Variants in MLXIP observed in about 807,000 individuals in gnomAD.
MLXIP encodes the protein MLX interacting protein.
A neutral mutation model predicts 87.2 loss-of-function variants in MLXIP; 30 were observed. The observed-to-expected ratio is 0.34, with a 90% CI of 0.26 to 0.47. The LOEUF (loss-of-function observed/expected upper bound fraction) is 0.47. Among genes scored for constraint, MLXIP ranks in the 20% least tolerant of loss-of-function variants. The pLI is 1.00. For missense variants in MLXIP, 1,002 were observed against 1,240.1 expected, an observed-to-expected ratio of 0.81 and a Z score of 2.88; for synonymous variants, 530 against 514.0, an observed-to-expected ratio of 1.03 and a Z score of -0.42.
chr12:122,086,999 A>C (rs1952177716), intron 1 of MLXIP, among the ~76,000 whole-genome samples: 1 of 152,132 alleles, frequency 6.6e-6, no homozygotes, highest in African/African-American at 2.4e-5. Context: ...GGATCCGCCC[A>C]GCTTGAGCCT....
At chr12:122,114,369 A>T (rs983831451) in intron 1 of MLXIP, among the ~76,000 whole-genome samples, 1 of 152,200 alleles carries the variant, frequency 6.6e-6, no homozygotes, top group African/African-American at 2.4e-5. Flanking sequence ...AGAAAAACAG[A>T]ACGCACTGAA....
chr12:122,123,353 G>A lies in MLXIP; in HGVS notation c.414-3903G>A, dbSNP rs532423791. 3.9e-5 allele frequency among the ~76,000 whole-genome samples: 6 copies of A among 152,264 alleles called. No individual in the cohort carries two copies. In the South Asian group the frequency reaches 1.2e-3, roughly 32 times the overall value. ...GGTTTGTTTGGATTTTGAGTTGGAC[G>A]CCCTTCTTTGTGTTTCTTGAGCGCC... On this transcript the variant is annotated intron_variant, in intron 1 of 16. Transcript: ENST00000319080.
chr12:122,113,868 G>A (rs1450094812), intron 1 of MLXIP, among the ~76,000 whole-genome samples: 1 of 151,040 alleles, frequency 6.6e-6, no homozygotes, highest in African/African-American at 2.4e-5. Flanking sequence ...TGTATTTTTA[G>A]TAGAGACGGA....
intron 1 of MLXIP, among the ~76,000 whole-genome samples, chr12:122,105,316 A>G (rs1222198507): frequency 6.6e-6 from 1 of 150,758 alleles, no homozygotes; most frequent in East Asian, 1.9e-4. Flanking sequence ...AACTTTGCTT[A>G]TTGATTTTTT....
chr12:122,138,923 T>G lies in MLXIP; in HGVS notation c.2493T>G (p.Asn831Lys). The G allele has an allele frequency of 6.2e-7, 1 of 1,614,096 alleles. No individual in the cohort carries two copies. The highest frequency in any genetic ancestry group is 8.5e-7 in the Non-Finnish European group (1 of 1,179,902). The stretch of plus-strand genomic sequence containing the variant: ...ACGTGAAAACCCGGACCTTGCAGAA[T>G]TGGAAGTTCTGGATTGTATCTTTGG... ...DEYVKTRTLQNWKFWIFSIII... is the reference protein window; with the variant it reads ...DEYVKTRTLQKWKFWIFSIII... Residue 831 changes from asparagine to lysine, a missense_variant, in exon 15 of 17, where the codon AAT (asparagine) becomes AAG (lysine). Asn to Lys is a moderately conservative substitution (Grantham distance 94). Coordinates refer to ENST00000319080, the MANE Select transcript of MLXIP (RefSeq NM_014938.6).
rs1178873889 is a variant in MLXIP at position 122,143,329 on chromosome 12, T to C, written c.*1517T>C. ...CAGGCCTGCGGGGATCTCTCCCCAC[T>C]TCAGGCCTCCGGCCAGCTGCCTGCC... On this transcript the variant is annotated 3_prime_UTR_variant, in exon 17 of 17. Coordinates refer to ENST00000319080, the MANE Select transcript of MLXIP (RefSeq NM_014938.6). The C allele has an allele frequency of 6.6e-6, 1 of 152,458 alleles. No individual in the cohort carries two copies. The highest frequency in any genetic ancestry group is 1.9e-4 in the East Asian group (1 of 5,204). The allele number at this position is 152,458 out of a possible 1,614,324, so 9.4% of individuals were successfully genotyped here.
At chr12:122,114,743 T>TTC (rs1952661504) in intron 1 of MLXIP, among the ~76,000 whole-genome samples, 1 of 106,402 alleles carries the variant, frequency 9.4e-6, no homozygotes, top group East Asian at 2.7e-4. Context: ...ACTTCTTTTT[T>TTC]TTTTTTTTTT....
Position 122,094,603 on chromosome 12 carries a change from TGTG to T in MLXIP, c.413+15338_413+15340del, listed in dbSNP as rs1176908066. 1.5e-3 allele frequency among the ~76,000 whole-genome samples: 179 copies of T among 120,298 alleles called. 1 individual carries two copies. Among genetic ancestry groups the T allele is most frequent in the Middle Eastern group, 0.011 (2 of 190 alleles). The allele number at this position is 120,298 out of a possible 152,430, so 78.9% of individuals were successfully genotyped here. On this transcript the variant is annotated intron_variant, in intron 1 of 16. Coordinates refer to ENST00000319080, the MANE Select transcript of MLXIP (RefSeq NM_014938.6). ...GGTGTGTTGGTGTGTGTGTTGGTGTTGTGTGTGTGGTGTATGTTTTCGGTGTCT... is the reference window on the plus strand; with the variant it reads ...GGTGTGTTGGTGTGTGTGTTGGTGTTTGTGTGGTGTATGTTTTCGGTGTCT...
intron 1 of MLXIP, among the ~76,000 whole-genome samples, chr12:122,088,313 T>C (rs960971249): frequency 2.0e-5 from 3 of 152,304 alleles, no homozygotes; most frequent in Admixed American, 2.0e-4. Context: ...AAATACTGTC[T>C]GCTTTGAATA....
chr12:122,130,983 C>T (rs1952967994), intron 7 of MLXIP, 50 bp downstream of exon 7: 4 of 1,197,502 alleles, frequency 3.3e-6, no homozygotes, highest in African/African-American at 1.5e-5. Context: ...TCCCCCAGCC[C>T]AGCACAGAGC....
At position 122,135,113 on chromosome 12, in the gene MLXIP, G is replaced by A; in HGVS notation, c.1733-111G>A. 1 of 1,384,300 alleles carries A rather than the reference G, an allele frequency of 7.2e-7. No individual in the cohort carries two copies. The highest frequency in any genetic ancestry group is 1.0e-6 in the Non-Finnish European group (1 of 998,912). 85.8% of individuals were successfully genotyped at this position (1,384,300 alleles called of 1,614,324 possible). A position where few individuals can be genotyped will look rare whatever the true frequency, so the allele number is the denominator to read the frequency against. ...GGTGCCTTGGTGGCTTTGTCTTCCT[G>A]TCCCCTGGGGTTGAGAACAAGCTGT... On this transcript the variant is annotated intron_variant, in intron 9 of 16. Coordinates refer to ENST00000319080, the MANE Select transcript of MLXIP (RefSeq NM_014938.6). This position sits in a 1 kb window ranked among gnomAD's most constrained non-coding sequence, Gnocchi z 5.3.
At chr12:122,138,148 G>A in intron 12 of MLXIP, 46 bp from the exon 13 acceptor site, 2 of 1,506,906 alleles carry the variant, frequency 1.3e-6, no homozygotes, top group South Asian at 1.2e-5. Flanking sequence ...GGTGGACAGT[G>A]TGCCTGCAAT....
intron 7 of MLXIP, 120 bp downstream of exon 7, chr12:122,131,053 G>T (rs1952968982): frequency 4.4e-6 from 3 of 683,154 alleles, no homozygotes; most frequent in South Asian, 1.9e-5. Context: ...GGCGAGCAAA[G>T]AATTTTTTTT....
chr12:122,078,932 T>C lies in MLXIP; in HGVS notation c.79T>C (p.Ser27Pro). 1 of 1,123,698 alleles carries C rather than the reference T, an allele frequency of 8.9e-7. No homozygotes were observed. The highest frequency in any genetic ancestry group is 1.1e-6 in the Non-Finnish European group (1 of 914,176). The allele number at this position is 1,123,698 out of a possible 1,614,324, so 69.6% of individuals were successfully genotyped here. The change falls in exon 1 of 17, where the codon TCC becomes CCC. Residue 27 changes from serine (S) to proline (P), a missense_variant. Ser to Pro is a moderately conservative substitution (Grantham distance 74, BLOSUM62 -1). Transcript: ENST00000319080. ...GRQVLLKPQV[S>P]EDDDDSDTDE... ...CCAGGTGCTGCTCAAGCCCCAGGTG[T>C]CCGAGGACGACGACGACTCGGACAC...
Position 122,080,041 on chromosome 12 carries a change from T to C in MLXIP, c.413+775T>C, listed in dbSNP as rs114326052. On this transcript the variant is annotated intron_variant, in intron 1 of 16. Transcript: ENST00000319080. ...AGACATCCCAGACACCGTTCTGACA[T>C]GTGGATTCGGCTCTGGGCAGAGATT... is the stretch of plus-strand genomic sequence containing the variant. 3.5e-3 allele frequency among the ~76,000 whole-genome samples: 529 copies of C among 152,318 alleles called. 3 individuals are homozygous for C. The highest frequency in any genetic ancestry group is 0.012 in the African/African-American group (498 of 41,560).
rs114916899 is a variant in MLXIP at position 122,081,164 on chromosome 12, A to G, written c.413+1898A>G. ...AACTTTCTTGATTGCAAAATGCACC[A>G]TCAGTTTGGTGCAAGAAGCTTATCT... is the stretch of plus-strand genomic sequence containing the variant. On this transcript the variant is annotated intron_variant, in intron 1 of 16. Coordinates refer to ENST00000319080, the MANE Select transcript of MLXIP (RefSeq NM_014938.6). Among the ~76,000 whole-genome samples the G allele has an allele frequency of 2.6e-3, 391 of 152,052 alleles. 2 individuals carry two copies. The highest frequency in any genetic ancestry group is 8.8e-3 in the African/African-American group (364 of 41,466).
Position 122,079,127 on chromosome 12 carries a change from C to A in MLXIP, c.274C>A (p.Pro92Thr). 6.4e-7 allele frequency: 1 copy of A among 1,550,786 alleles called. No homozygotes were observed. The highest frequency in any genetic ancestry group is 8.7e-7 in the Non-Finnish European group (1 of 1,146,868). Reference protein sequence around the residue: ...FMVSSPHREHPPKKGYDFDTV... With the variant: ...FMVSSPHREHTPKKGYDFDTV... ...GGTGTCGTCGCCGCACCGAGAGCAC[C>A]CGCCCAAGAAGGGCTACGATTTCGA... Residue 92 changes from proline to threonine, a missense_variant, in exon 1 of 17, where the codon CCG becomes ACG. Around this residue, in one of 3 missense-constraint regions of MLXIP, gnomAD observed 127 missense variants for 239.0 expected, o/e 0.53. Coordinates refer to ENST00000319080, the MANE Select transcript of MLXIP (RefSeq NM_014938.6).
At chr12:122,129,449 T>G (rs1275395992) in intron 4 of MLXIP, 139 bp from the exon 5 acceptor site, 2 of 1,050,028 alleles carry the variant, frequency 1.9e-6, no homozygotes, top group Non-Finnish European at 2.8e-6. Context: ...TGGGTGGAAG[T>G]CTCCTTTGTG....
intron 1 of MLXIP, among the ~76,000 whole-genome samples, chr12:122,082,739 T>A (rs1209813662): frequency 6.6e-6 from 1 of 152,236 alleles, no homozygotes; most frequent in East Asian, 1.9e-4. Flanking sequence ...GGCTCTACAA[T>A]GGAGCTATGT....
Sources: allele counts gnomAD v4.1 joint callset (sites outside exome capture counted in the v4.1 genomes callset), GRCh38; gene constraint gnomAD v4.1.1; regional missense constraint gnomAD v4.1.1; non-coding constraint Gnocchi (gnomAD v3.1); transcripts MANE v1.5; gene names NCBI Gene and HGNC (gene_info 2026-07-23, HGNC 2026-07-21).